DNAJC1: variants seen among roughly 807,000 people sequenced by gnomAD.
DNAJC1 encodes DnaJ heat shock protein family (Hsp40) member C1.
DNAJC1 carries 58 observed loss-of-function variants against 76.6 expected under a neutral mutation model. That is an observed-to-expected ratio of 0.76 (90% CI 0.61 to 0.94). The LOEUF is 0.94. DNAJC1 is among the 40% of genes least tolerant of loss of function. The probability of loss-of-function intolerance (pLI) is 0.00; values close to 1 mark genes in which losing one functional copy is unlikely to be tolerated. For synonymous variants in DNAJC1, 258 were observed against 267.9 expected, an observed-to-expected ratio of 0.96 and a Z score of 0.36; for missense variants, 689 against 677.3, an observed-to-expected ratio of 1.02 and a Z score of -0.19.
Position 22,003,491 on chromosome 10 carries a change from C to G in DNAJC1, c.-57G>C. ...CAGCTCCGTTGGCCGAGAGCTGGGA[C>G]GTGGCGGGCGGCGCTGGCTGTGGGG... On this transcript the variant is annotated 5_prime_UTR_variant, in exon 1 of 12. Coordinates refer to ENST00000376980, the MANE Select transcript of DNAJC1 (RefSeq NM_022365.4). 1 of 1,306,646 alleles carries G rather than the reference C, an allele frequency of 7.7e-7. No homozygotes were observed. The highest frequency in any genetic ancestry group is 9.7e-7 in the Non-Finnish European group (1 of 1,033,920). 80.9% of individuals were successfully genotyped at this position (1,306,646 alleles called of 1,614,324 possible). A position where few individuals can be genotyped will look rare whatever the true frequency, so the allele number is the denominator to read the frequency against.
At chr10:21,942,442 T>C (rs1218445281) in intron 1 of DNAJC1, among the ~76,000 whole-genome samples, 5 of 152,094 alleles carry the variant, frequency 3.3e-5, no homozygotes, top group Non-Finnish European at 1.5e-5. Context: ...AGCAAAATTA[T>C]AGAGAATTTG....
intron 7 of DNAJC1, among the ~76,000 whole-genome samples, chr10:21,883,251 AACACACACACACACACACACAC>A (rs3032395): frequency 2.3e-5 from 3 of 128,956 alleles, no homozygotes; most frequent in African/African-American, 5.7e-5. Flanking sequence ...TTCTATCTCA[AACACACACACACACACACACAC>A]ACACACACAC....
At chr10:21,943,931 C>T (rs2131799807) in intron 1 of DNAJC1, among the ~76,000 whole-genome samples, 1 of 151,982 alleles carries the variant, frequency 6.6e-6, no homozygotes, top group Non-Finnish European at 1.5e-5. Flanking sequence ...AATGGATAGG[C>T]ACCCATATCT....
chr10:21,793,252 G>A (rs1454222100), intron 9 of DNAJC1, among the ~76,000 whole-genome samples: 1 of 152,162 alleles, frequency 6.6e-6, no homozygotes, highest in Non-Finnish European at 1.5e-5. Flanking sequence ...GTTGCAGTGA[G>A]CTGAGATTGT....
chr10:21,944,231 GAC>G (rs1837469174), intron 1 of DNAJC1, among the ~76,000 whole-genome samples: 1 of 150,368 alleles, frequency 6.7e-6, no homozygotes, highest in Non-Finnish European at 1.5e-5. Context: ...CATGTAAAAA[GAC>G]TGATAAATTC....
At chr10:21,787,927 A>T (rs1217656811) in intron 9 of DNAJC1, among the ~76,000 whole-genome samples, 1 of 152,206 alleles carries the variant, frequency 6.6e-6, no homozygotes. Context: ...ACCATCTTGT[A>T]ACTGGAACTA....
intron 1 of DNAJC1, among the ~76,000 whole-genome samples, chr10:21,945,809 TGAAATGGA>T (rs1837494780): frequency 6.6e-6 from 1 of 152,160 alleles, no homozygotes; most frequent in African/African-American, 2.4e-5. Context: ...GACATGTACA[TGAAATGGA>T]GATAGGACTG....
chr10:22,003,294 G>T lies in DNAJC1; in HGVS notation c.141C>A (p.Gly47=). 6.5e-7 allele frequency: 1 copy of T among 1,532,440 alleles called. No homozygotes were observed. Among genetic ancestry groups the T allele is most frequent in the South Asian group, 1.2e-5 (1 of 81,384 alleles). 94.9% of individuals were successfully genotyped at this position (1,532,440 alleles called of 1,614,324 possible). Residue 47 remains glycine, a synonymous_variant, in exon 1 of 12, where the codon GGC becomes GGA. Coordinates refer to ENST00000376980, the MANE Select transcript of DNAJC1 (RefSeq NM_022365.4). ...LLLAAVAPAR[G]WESGDLELFD... ...ACAACTCCAGGTCTCCGCTCTCCCA[G>T]CCGCGCGCCGGCGCCACGGCGGCCA...
chr10:21,965,984 C>T (rs1837882690), intron 1 of DNAJC1, among the ~76,000 whole-genome samples: 1 of 152,136 alleles, frequency 6.6e-6, no homozygotes, highest in African/African-American at 2.4e-5. Context: ...ATTTGGTTTT[C>T]AGATCTCTGT....
chr10:21,824,803 C>T (rs750662718), intron 8 of DNAJC1, among the ~76,000 whole-genome samples: 39 of 152,074 alleles, frequency 2.6e-4, no homozygotes, highest in Admixed American at 2.0e-4. Context: ...GATGGTGTTT[C>T]GCTCTTATTG....
intron 7 of DNAJC1, among the ~76,000 whole-genome samples, chr10:21,903,815 G>A (rs969328733): frequency 1.3e-5 from 2 of 152,034 alleles, no homozygotes; most frequent in South Asian, 2.1e-4. Context: ...TACTGGGGGT[G>A]GGGGGTTGGA....
At chr10:21,991,839 A>T (rs1337964865) in intron 1 of DNAJC1, among the ~76,000 whole-genome samples, 1 of 152,228 alleles carries the variant, frequency 6.6e-6, no homozygotes, top group African/African-American at 2.4e-5. Flanking sequence ...AGTTTTGCTT[A>T]TAACGATTTG....
intron 9 of DNAJC1, among the ~76,000 whole-genome samples, chr10:21,778,925 C>T (rs181126692): frequency 1.3e-3 from 193 of 152,350 alleles, no homozygotes; most frequent in Non-Finnish European, 2.3e-3. Context: ...ACCGTCTTAG[C>T]AAACGGCACA....
At chr10:21,973,831 G>T (rs1016771527) in intron 1 of DNAJC1, among the ~76,000 whole-genome samples, 2 of 151,874 alleles carry the variant, frequency 1.3e-5, no homozygotes, top group African/African-American at 4.8e-5. Flanking sequence ...GGCCAGGTGC[G>T]GTGGCTCACA....
At chr10:21,980,195 TAC>T (rs1838132528) in intron 1 of DNAJC1, among the ~76,000 whole-genome samples, 1 of 152,052 alleles carries the variant, frequency 6.6e-6, no homozygotes, top group Non-Finnish European at 1.5e-5. Flanking sequence ...ACAAACTATA[TAC>T]ACATATACAC....
chr10:21,920,009 G>A (rs1165216510), intron 4 of DNAJC1, 80 bp from the exon 5 acceptor site: 10 of 868,440 alleles, frequency 1.2e-5, no homozygotes, highest in Non-Finnish European at 1.8e-5. Flanking sequence ...TCTGTGAAGG[G>A]TAAACATTAT....
chr10:21,844,835 C>T (rs920391671), intron 8 of DNAJC1, among the ~76,000 whole-genome samples: 2 of 152,106 alleles, frequency 1.3e-5, no homozygotes, highest in Non-Finnish European at 2.9e-5. Context: ...GAGCTCAATA[C>T]CAGCCTTGGC....
chr10:21,872,273 T>C (rs1015303983), intron 8 of DNAJC1, among the ~76,000 whole-genome samples: 22 of 152,066 alleles, frequency 1.4e-4, no homozygotes, highest in Non-Finnish European at 2.6e-4. Flanking sequence ...CAGGGTTATG[T>C]TGGCCAGGCT....
chr10:21,783,972 C>T (rs1242191412), intron 9 of DNAJC1, among the ~76,000 whole-genome samples: 1 of 152,128 alleles, frequency 6.6e-6, no homozygotes, highest in African/African-American at 2.4e-5. Flanking sequence ...TAGGCAATAC[C>T]ATTCAGGACA....
Sources: gnomAD v4.1 joint callset for allele counts (sites outside exome capture counted in the v4.1 genomes callset) on GRCh38, gnomAD v4.1.1 for gene constraint, MANE v1.5 for transcripts, NCBI Gene and HGNC (gene_info 2026-07-23, HGNC 2026-07-21) for gene names.